Variants in ADORA2B observed in about 807,000 individuals in gnomAD.
The protein encoded by ADORA2B is adenosine A2b receptor, also known as adenosine receptor A2b.
ADORA2B carries 18 observed loss-of-function variants against 20.8 expected under a neutral mutation model. That is an observed-to-expected ratio of 0.87 (90% CI 0.60 to 1.29). The LOEUF is 1.29. ADORA2B is among the 50% of genes most tolerant of loss of function. The pLI, the probability that ADORA2B is intolerant of heterozygous loss-of-function variation, is 0.00. For missense variants in ADORA2B, 441 were observed against 422.7 expected (o/e 1.04, Z -0.38); for synonymous variants, 179 against 178.3 (o/e 1.00, Z -0.03).
At chr17:15,964,554 A>G (rs140908923) in intron 1 of ADORA2B, among the ~76,000 whole-genome samples, 2 of 150,462 alleles carry the variant, frequency 1.3e-5, no homozygotes, top group South Asian at 4.2e-4. Flanking sequence ...GGTTGCAGTG[A>G]GCCGAGATCA....
chr17:15,908,232 T>G, the ADORA2B span, among the ~76,000 whole-genome samples: 1 of 152,130 alleles, frequency 6.6e-6, no homozygotes, highest in Non-Finnish European at 1.5e-5. Flanking sequence ...GAACTACAGG[T>G]GTGTGCCACC....
the ADORA2B span, among the ~76,000 whole-genome samples, chr17:15,930,341 G>C: frequency 6.7e-6 from 1 of 148,250 alleles, no homozygotes; most frequent in Non-Finnish European, 1.5e-5. Flanking sequence ...CTGTCACCCA[G>C]GCTGGAGTGC....
the ADORA2B span, among the ~76,000 whole-genome samples, chr17:15,896,737 G>T: frequency 1.3e-5 from 2 of 152,278 alleles, no homozygotes; most frequent in African/African-American, 2.4e-5. Context: ...CTGTGTGGCT[G>T]GTTCCTTTTA....
the ADORA2B span, among the ~76,000 whole-genome samples, chr17:15,939,528 G>A: frequency 1.3e-5 from 2 of 152,252 alleles, no homozygotes; most frequent in Admixed American, 6.5e-5. Flanking sequence ...CTGTTTGACT[G>A]GGGGAGGCTG....
the ADORA2B span, among the ~76,000 whole-genome samples, chr17:15,882,707 T>C: frequency 1.3e-5 from 2 of 152,144 alleles, no homozygotes; most frequent in Non-Finnish European, 2.9e-5. Context: ...ATACTAGATG[T>C]CATGCCAGCT....
chr17:15,868,081 T>A, the ADORA2B span, among the ~76,000 whole-genome samples: 5 of 145,444 alleles, frequency 3.4e-5, no homozygotes, highest in Non-Finnish European at 7.5e-5. Context: ...CCCCCAATCC[T>A]GTGCTCTCTG....
At chr17:15,899,987 A>G in the ADORA2B span, among the ~76,000 whole-genome samples, 1 of 152,020 alleles carries the variant, frequency 6.6e-6, no homozygotes, top group African/African-American at 2.4e-5. Flanking sequence ...ACGTGCCACC[A>G]TGCCCAGCTA....
At position 15,975,040 on chromosome 17, in the gene ADORA2B, G is replaced by C. The variant is rs1402016730; in HGVS notation, c.697G>C (p.Ala233Pro). The change falls in exon 2 of 2, where the codon GCC (alanine) becomes CCC (proline). Residue 233 changes from alanine (A) to proline (P), a missense_variant. Ala to Pro is a conservative substitution (Grantham distance 27, BLOSUM62 -1). Coordinates refer to ENST00000304222, the MANE Select transcript of ADORA2B (RefSeq NM_000676.4). ...RTTLQREIHA[A>P]KSLAMIVGIF... Reference sequence around the variant, plus strand: ...CACCCTCCAGCGGGAGATCCATGCAGCCAAGTCACTGGCCATGATTGTGGG... The same window carrying C: ...CACCCTCCAGCGGGAGATCCATGCACCCAAGTCACTGGCCATGATTGTGGG... 6.2e-7 allele frequency: 1 copy of C among 1,614,162 alleles called. No individual in the cohort carries two copies. Among genetic ancestry groups the C allele is most frequent in the Non-Finnish European group, 8.5e-7 (1 of 1,180,032 alleles).
At chr17:15,940,545 CT>C (rs1173075978), upstream of ADORA2B, among the ~76,000 whole-genome samples, 4 of 152,174 alleles carry the variant, frequency 2.6e-5, no homozygotes, top group Non-Finnish European at 5.9e-5. Flanking sequence ...TGTGTGCCAT[CT>C]TTATGTACAA....
chr17:15,968,612 C>T (rs1017124716), intron 1 of ADORA2B, among the ~76,000 whole-genome samples: 3 of 152,154 alleles, frequency 2.0e-5, no homozygotes, highest in African/African-American at 7.2e-5. Context: ...GTGAGTTGAA[C>T]ATGGAAGAGC....
chr17:15,946,768 G>A (rs1273078252), intron 1 of ADORA2B, among the ~76,000 whole-genome samples: 2 of 152,110 alleles, frequency 1.3e-5, no homozygotes, highest in Non-Finnish European at 2.9e-5. Flanking sequence ...TCAGAGCCGG[G>A]GCTTGAACTC....
chr17:15,974,999 TGGACCACTCGA>T lies in ADORA2B; in HGVS notation c.664_674del (p.Ser222ProfsTer29). 6.2e-7 allele frequency: 1 copy of T among 1,614,200 alleles called. No homozygotes were observed. The highest frequency in any genetic ancestry group is 8.5e-7 in the Non-Finnish European group (1 of 1,180,036). On this transcript the variant is annotated frameshift_variant, in exon 2 of 2. Transcript: ENST00000304222. LOFTEE classifies it high-confidence loss of function. The stretch of plus-strand genomic sequence containing the variant: ...AGGCAGCTTCAGCGCACTGAGCTGA[TGGACCACTCGA>T]GGACCACCCTCCAGCGGGAGATCCA...
the ADORA2B span, among the ~76,000 whole-genome samples, chr17:15,935,816 T>G: frequency 6.6e-6 from 1 of 151,996 alleles, no homozygotes; most frequent in East Asian, 1.9e-4. Flanking sequence ...CTTTTGCAAG[T>G]CCAAATTCGC....
intron 1 of ADORA2B, among the ~76,000 whole-genome samples, chr17:15,953,467 G>A (rs1037626412): frequency 3.9e-5 from 6 of 152,222 alleles, no homozygotes; most frequent in African/African-American, 1.4e-4. Context: ...TTTGCCCCGA[G>A]GGGCGCTCTG....
the ADORA2B span, among the ~76,000 whole-genome samples, chr17:15,925,374 C>G: frequency 2.2e-4 from 33 of 152,224 alleles, no homozygotes; most frequent in African/African-American, 7.9e-4. Context: ...GTCTCAAACT[C>G]CTGGCCTCAA....
At chr17:15,924,160 G>A in the ADORA2B span, among the ~76,000 whole-genome samples, 1 of 152,078 alleles carries the variant, frequency 6.6e-6, no homozygotes, top group Non-Finnish European at 1.5e-5. Context: ...TGATCCACCC[G>A]CCTTGGCCTC....
chr17:15,890,724 C>T, the ADORA2B span, among the ~76,000 whole-genome samples: 45 of 152,174 alleles, frequency 3.0e-4, no homozygotes, highest in Non-Finnish European at 6.0e-4. Flanking sequence ...CCTCCCAGTG[C>T]ACGGAGCTGG....
At chr17:15,876,772 G>T in the ADORA2B span, among the ~76,000 whole-genome samples, 2 of 151,906 alleles carry the variant, frequency 1.3e-5, no homozygotes, top group African/African-American at 4.8e-5. Flanking sequence ...GGCAAAATAC[G>T]TATAACATAA....
upstream of ADORA2B, among the ~76,000 whole-genome samples, chr17:15,944,140 G>T (rs1309244472): frequency 6.6e-6 from 1 of 152,194 alleles, no homozygotes. The surrounding 1 kb of genome is among the most constrained non-coding windows in gnomAD (Gnocchi z 4.8). Context: ...AAACTTCCTA[G>T]GGTGGGTGAG....
Sources: gnomAD v4.1 joint callset for allele counts (sites outside exome capture counted in the v4.1 genomes callset) on GRCh38, gnomAD v4.1.1 for gene constraint, Gnocchi (gnomAD v3.1) non-coding constraint, MANE v1.5 for transcripts, NCBI Gene and HGNC (gene_info 2026-07-23, HGNC 2026-07-21) for gene names.